The following CCDC51 variants were observed in gnomAD, a reference collection of about 807,000 sequenced individuals.
CCDC51 encodes the protein mitochondrial potassium channel.
Under a neutral mutation model 24.8 loss-of-function variants are expected in CCDC51, and 25 were observed. The observed-to-expected ratio is 1.01, with a 90% CI of 0.73 to 1.41. The LOEUF (loss-of-function observed/expected upper bound fraction) is 1.41, where lower values mean the gene tolerates loss of function less well. CCDC51 is among the 40% of genes most tolerant of loss of function. The pLI, the probability that CCDC51 is intolerant of heterozygous loss-of-function variation, is 0.00. For missense variants in CCDC51, 466 were observed against 519.1 expected, an observed-to-expected ratio of 0.90 and a Z score of 0.99; for synonymous variants, 190 against 204.3, an observed-to-expected ratio of 0.93 and a Z score of 0.60.
At chr3:48,434,718 A>T in intron 2 of CCDC51, 99 bp downstream of exon 2, 1 of 1,129,418 alleles carries the variant, frequency 8.9e-7, no homozygotes, top group Non-Finnish European at 1.3e-6. Context: ...AAATGAGGCT[A>T]AACACAAGTC....
upstream of CCDC51, chr3:48,441,008 T>C (rs1380781962): frequency 3.7e-6 from 1 of 269,514 alleles, no homozygotes; most frequent in East Asian, 9.1e-5. Context: ...GACTTAGAAG[T>C]TTTTTTGTTT....
chr3:48,439,429 C>G (rs1405801945), intron 1 of CCDC51, among the ~76,000 whole-genome samples: 1 of 152,150 alleles, frequency 6.6e-6, no homozygotes, highest in Non-Finnish European at 1.5e-5. Flanking sequence ...GTCAGGAGTT[C>G]GAGACCAGCC....
intron 1 of CCDC51, among the ~76,000 whole-genome samples, chr3:48,439,578 G>C (rs1273074919): frequency 6.6e-6 from 1 of 152,056 alleles, no homozygotes; most frequent in Non-Finnish European, 1.5e-5. Flanking sequence ...GTTGCAGTGA[G>C]CCAAGATCGT....
upstream of CCDC51, among the ~76,000 whole-genome samples, chr3:48,442,295 C>G (rs1179561055): frequency 6.6e-6 from 1 of 150,632 alleles, no homozygotes; most frequent in Non-Finnish European, 1.5e-5. Flanking sequence ...CTTGCACCCT[C>G]TTTTAATCTG....
rs754842405 is a variant in CCDC51, at chr3:48,433,064, G to A, written c.580C>T (p.Arg194Cys). The A allele has an allele frequency of 4.8e-5, 78 of 1,614,054 alleles. No individual in the cohort carries two copies. Among genetic ancestry groups the A allele is most frequent in the Non-Finnish European group, 6.4e-5 (75 of 1,180,048 alleles). The change falls in exon 4 of 4, where the codon CGC becomes TGC. Residue 194 changes from arginine to cysteine, a missense_variant. By Grantham distance (180) the Arg-to-Cys change is radical. Coordinates refer to ENST00000395694, the MANE Select transcript of CCDC51 (RefSeq NM_001256964.2). This position sits in a 1 kb window ranked among gnomAD's most constrained non-coding sequence, Gnocchi z 4.4. ...AAVRESHEKERTRAERTKNWS... is the reference protein window; with the variant it reads ...AAVRESHEKECTRAERTKNWS... ...TTCTTGGTCCTCTCAGCCCTTGTGCGCTCCTTCTCATGACTTTCCCGCACA... is the reference window on the plus strand; with the variant it reads ...TTCTTGGTCCTCTCAGCCCTTGTGCACTCCTTCTCATGACTTTCCCGCACA...
upstream of CCDC51, among the ~76,000 whole-genome samples, chr3:48,444,419 C>G (rs971047539): frequency 3.3e-5 from 5 of 152,082 alleles, no homozygotes; most frequent in Admixed American, 2.0e-4. Flanking sequence ...GTTACAGGCA[C>G]CCGCCACCAT....
At chr3:48,440,551 C>T (rs1469210976), upstream of CCDC51, 1 of 1,611,492 alleles carries the variant, frequency 6.2e-7, no homozygotes, top group East Asian at 2.2e-5. Flanking sequence ...GAAGATAAGG[C>T]TTTCAAGCAG....
In CCDC51 at chr3:48,434,862, A is replaced by G. The variant is rs1307168155; in HGVS notation, c.267T>C (p.Phe89=). 1 of 1,613,464 alleles carries G rather than the reference A, an allele frequency of 6.2e-7. No individual in the cohort carries two copies. The highest frequency in any genetic ancestry group is 1.7e-5 in the Admixed American group (1 of 59,978). Residue 89 remains phenylalanine, a synonymous_variant, in exon 2 of 4, where the codon TTT becomes TTC. Coordinates refer to ENST00000395694, the MANE Select transcript of CCDC51 (RefSeq NM_001256964.2). ...AKTWWDRYEE[F]VGLNEVREAQ... ...CCTCTCGAACCTCGTTGAGTCCAAC[A>G]AACTCTTCATATCTGTCCCACCAAG...
chr3:48,436,211 C>T (rs892007406), intron 1 of CCDC51, among the ~76,000 whole-genome samples: 2 of 152,112 alleles, frequency 1.3e-5, no homozygotes, highest in South Asian at 2.1e-4. Context: ...CAACAGACCA[C>T]GCCACAGAGA....
chr3:48,438,865 A>G (rs1362441124), intron 1 of CCDC51, among the ~76,000 whole-genome samples: 1 of 152,150 alleles, frequency 6.6e-6, no homozygotes, highest in Non-Finnish European at 1.5e-5. Flanking sequence ...TCCATGGCCT[A>G]CAGGGAACCT....
At chr3:48,442,921 A>G (rs1398279427), upstream of CCDC51, among the ~76,000 whole-genome samples, 3 of 152,116 alleles carry the variant, frequency 2.0e-5, no homozygotes, top group Non-Finnish European at 4.4e-5. Flanking sequence ...GGCTTGTCAC[A>G]TACTTGAACA....
Position 48,433,710 on chromosome 3 carries a change from C to T in CCDC51, c.474G>A (p.Leu158=), listed in dbSNP as rs1347336781. ...GGCTGCCTCCTGAGGTGCCTACCTGCAGCATCCTGTGCTCGAGAGTAGCCA... is the reference window on the plus strand; with the variant it reads ...GGCTGCCTCCTGAGGTGCCTACCTGTAGCATCCTGTGCTCGAGAGTAGCCA... ...LELATLEHRM[L]QEEKRLRTAY... The change falls in exon 3 of 4, where the codon CTG becomes CTA. Residue 158 remains leucine, a synonymous_variant. Transcript: ENST00000395694. This position sits in a 1 kb window ranked among gnomAD's most constrained non-coding sequence, Gnocchi z 4.4. 6.2e-7 allele frequency: 1 copy of T among 1,612,960 alleles called. No individual in the cohort carries two copies. The highest frequency in any genetic ancestry group is 1.7e-4 in the Middle Eastern group (1 of 6,054).
At position 48,432,849 on chromosome 3, in the gene CCDC51, G is replaced by A; in HGVS notation, c.795C>T (p.Leu265=). The A allele has an allele frequency of 6.2e-7, 1 of 1,613,656 alleles. No individual in the cohort carries two copies. Residue 265 remains leucine, a synonymous_variant, in exon 4 of 4, where the codon CTC becomes CTT. Coordinates refer to ENST00000395694, the MANE Select transcript of CCDC51 (RefSeq NM_001256964.2). ...GTACCAGGCCCCTCAGGTCCACCAT[G>A]AGATTGTGGAGGTCCCTCTGCTGGC... ...YSRQQRDLHN[L]MVDLRGLVHA...
upstream of CCDC51, chr3:48,440,649 G>T: frequency 1.9e-6 from 3 of 1,604,178 alleles, no homozygotes; most frequent in Non-Finnish European, 2.6e-6. Flanking sequence ...GCCGAATGGA[G>T]CTCAAGCTGG....
rs1269725412 is a variant in CCDC51 at position 48,435,746 on chromosome 3, C to T, written c.-8-610G>A. On this transcript the variant is annotated intron_variant, in intron 1 of 3. Transcript: ENST00000395694. This position sits in a 1 kb window ranked among gnomAD's most constrained non-coding sequence, Gnocchi z 4.2. ...TTTGTGACCCAAGACAGAAAACTCT[C>T]AGCTCTCCTCTAAGATAATTCCAGG... is the stretch of plus-strand genomic sequence containing the variant. 6.6e-6 allele frequency among the ~76,000 whole-genome samples: 1 copy of T among 152,086 alleles called. No individual in the cohort carries two copies. The highest frequency in any genetic ancestry group is 1.5e-5 in the Non-Finnish European group (1 of 67,996).
rs566702093 is a variant in CCDC51 at position 48,433,983 on chromosome 3, A to C, written c.313-112T>G. The C allele has an allele frequency of 6.7e-7, 1 of 1,495,982 alleles. No individual in the cohort carries two copies. Among genetic ancestry groups the C allele is most frequent in the Non-Finnish European group, 8.9e-7 (1 of 1,127,138 alleles). The allele number at this position is 1,495,982 out of a possible 1,614,324, so 92.7% of individuals were successfully genotyped here. A position where few individuals can be genotyped will look rare whatever the true frequency, so the allele number is the denominator to read the frequency against. On this transcript the variant is annotated intron_variant, in intron 2 of 3. Coordinates refer to ENST00000395694, the MANE Select transcript of CCDC51 (RefSeq NM_001256964.2). The surrounding 1 kb of genome is among the most constrained non-coding windows in gnomAD (Gnocchi z 4.4). ...GAGGTCACTGGGGTGTGAGCTGCAAAGGGTGGAAACGGAATTCCTTAGACA... is the reference window on the plus strand; with the variant it reads ...GAGGTCACTGGGGTGTGAGCTGCAACGGGTGGAAACGGAATTCCTTAGACA...
chr3:48,433,176 C>T lies in CCDC51; in HGVS notation c.478-10G>A. The T allele has an allele frequency of 1.9e-6, 3 of 1,607,150 alleles. No homozygotes were observed. The highest frequency in any genetic ancestry group is 2.6e-6 in the Non-Finnish European group (3 of 1,175,760). On this transcript the variant is annotated splice_polypyrimidine_tract_variant and intron_variant, in intron 3 of 3. Transcript: ENST00000395694. This position sits in a 1 kb window ranked among gnomAD's most constrained non-coding sequence, Gnocchi z 4.4. ...GAAGCCTCTTCTCCTCCTGCAGAAGCAAAGCCATGTTATTGGATTACATGG... is the reference window on the plus strand; with the variant it reads ...GAAGCCTCTTCTCCTCCTGCAGAAGTAAAGCCATGTTATTGGATTACATGG...
chr3:48,438,251 A>G (rs2039419322), intron 1 of CCDC51: 1 of 152,192 alleles, frequency 6.6e-6, no homozygotes, highest in African/African-American at 2.4e-5. Flanking sequence ...CTTTGTGAAT[A>G]TAATAAAACC....
At chr3:48,443,899 G>A (rs779953483), upstream of CCDC51, 10 of 1,526,934 alleles carry the variant, frequency 6.5e-6, no homozygotes, top group Non-Finnish European at 7.9e-6. Context: ...CCTTGTGCCT[G>A]AGGAGATGGT....
Sources: gnomAD v4.1 joint callset for allele counts (sites outside exome capture counted in the v4.1 genomes callset) on GRCh38, gnomAD v4.1.1 for gene constraint, Gnocchi (gnomAD v3.1) non-coding constraint, MANE v1.5 for transcripts, NCBI Gene and HGNC (gene_info 2026-07-23, HGNC 2026-07-21) for gene names.